AGBL4: variants seen among roughly 807,000 people sequenced by gnomAD.
AGBL4 encodes cytosolic carboxypeptidase 6.
Under a neutral mutation model 66.4 loss-of-function variants are expected in AGBL4, and 58 were observed. The ratio of observed to expected loss-of-function variants is 0.87; its 90% CI spans 0.71 to 1.09. The LOEUF (loss-of-function observed/expected upper bound fraction) is 1.09. Ranked by LOEUF, AGBL4 falls within the 50% of genes least tolerant of loss-of-function variation. The pLI, the probability that AGBL4 is intolerant of heterozygous loss-of-function variation, is 0.00. For synonymous variants in AGBL4, 234 were observed against 222.9 expected (o/e 1.05, Z -0.44); for missense variants, 579 against 631.0 (o/e 0.92, Z 0.88).
At position 48,931,954 on chromosome 1, in the gene AGBL4, T is replaced by C. The variant is rs948584646; in HGVS notation, c.595-64724A>G. Among the ~76,000 whole-genome samples, 4 of 152,254 alleles carry C rather than the reference T, an allele frequency of 2.6e-5. No homozygotes were observed. The East Asian group carries it at 7.7e-4, about 29-fold the overall frequency. On this transcript the variant is annotated intron_variant, in intron 5 of 13. Coordinates refer to ENST00000371839, the MANE Select transcript of AGBL4 (RefSeq NM_032785.4). Reference sequence around the variant, plus strand: ...GGTGCTCTTCTCCCTGCATGCAAAATCAGCCCATCCTTCCCAGGAAAGAGT... The same window carrying C: ...GGTGCTCTTCTCCCTGCATGCAAAACCAGCCCATCCTTCCCAGGAAAGAGT...
intron 1 of AGBL4, among the ~76,000 whole-genome samples, chr1:49,943,528 G>A (rs1455120698): frequency 2.0e-5 from 3 of 152,062 alleles, no homozygotes; most frequent in Non-Finnish European, 4.4e-5. Flanking sequence ...GGAACCTGAA[G>A]GTCTACACCA....
chr1:49,642,709 C>T (rs1429790810), intron 3 of AGBL4, among the ~76,000 whole-genome samples: 2 of 151,870 alleles, frequency 1.3e-5, no homozygotes, highest in Non-Finnish European at 2.9e-5. Context: ...GTTTGACAAA[C>T]TACTCAGATA....
intron 4 of AGBL4, among the ~76,000 whole-genome samples, chr1:49,162,995 CT>C (rs1309674670): frequency 6.6e-6 from 1 of 152,150 alleles, no homozygotes; most frequent in Non-Finnish European, 1.5e-5. Flanking sequence ...GGGTATTTTC[CT>C]CAGGAGGTGA....
intron 3 of AGBL4, among the ~76,000 whole-genome samples, chr1:49,378,799 G>C (rs1557884079): frequency 6.6e-6 from 1 of 152,092 alleles, no homozygotes; most frequent in Non-Finnish European, 1.5e-5. Context: ...TTGCCTGTTA[G>C]AAGTTTCCCT....
intron 6 of AGBL4, among the ~76,000 whole-genome samples, chr1:48,678,851 A>T (rs758301582): frequency 6.6e-6 from 1 of 152,190 alleles, no homozygotes; most frequent in African/African-American, 2.4e-5. Context: ...CAATTCTAGA[A>T]ATCATTAATA....
chr1:49,753,310 T>C (rs1379942053), intron 2 of AGBL4, among the ~76,000 whole-genome samples: 1 of 152,240 alleles, frequency 6.6e-6, no homozygotes, highest in East Asian at 1.9e-4. Context: ...AAGGATTTTA[T>C]TTCTCCTTTG....
intron 6 of AGBL4, among the ~76,000 whole-genome samples, chr1:48,691,935 C>T (rs1391049461): frequency 6.6e-6 from 1 of 152,196 alleles, no homozygotes; most frequent in Admixed American, 6.5e-5. Flanking sequence ...TTCTCTCACC[C>T]TCCTTGTGGC....
At chr1:49,159,898 G>A (rs1388013159) in intron 4 of AGBL4, among the ~76,000 whole-genome samples, 42 of 152,096 alleles carry the variant, frequency 2.8e-4, no homozygotes, top group African/African-American at 2.4e-5. Flanking sequence ...ATCATGCTGT[G>A]TTTTTCAGCT....
At chr1:49,776,145 T>C (rs1040023487) in intron 2 of AGBL4, among the ~76,000 whole-genome samples, 4 of 152,018 alleles carry the variant, frequency 2.6e-5, no homozygotes, top group African/African-American at 9.7e-5. Flanking sequence ...TGGTGGAAGC[T>C]TAGAAAAAAT....
intron 4 of AGBL4, among the ~76,000 whole-genome samples, chr1:49,112,197 A>G (rs907000711): frequency 6.6e-6 from 1 of 152,230 alleles, no homozygotes; most frequent in Non-Finnish European, 1.5e-5. Flanking sequence ...AGTAGCTAAT[A>G]GTTGTAATTG....
intron 6 of AGBL4, among the ~76,000 whole-genome samples, chr1:48,738,749 A>G (rs899375074): frequency 2.0e-5 from 3 of 152,138 alleles, no homozygotes; most frequent in African/African-American, 7.2e-5. Flanking sequence ...TTATTCTTGA[A>G]AGGGAGATGA....
intron 6 of AGBL4, among the ~76,000 whole-genome samples, chr1:48,772,252 A>G (rs1644872418): frequency 6.6e-6 from 1 of 152,230 alleles, no homozygotes. Context: ...GTGAAAAGAG[A>G]GTTCTGAGGA....
chr1:49,613,895 G>T (rs1415140629), intron 3 of AGBL4, among the ~76,000 whole-genome samples: 4 of 152,136 alleles, frequency 2.6e-5, no homozygotes, highest in Admixed American at 6.5e-5. Context: ...AAAGCTTGGG[G>T]ATTGCTGTCC....
intron 6 of AGBL4, among the ~76,000 whole-genome samples, chr1:48,804,260 C>A (rs768661212): frequency 1.4e-4 from 22 of 152,134 alleles, no homozygotes; most frequent in Non-Finnish European, 2.6e-4. Context: ...TGTGCAATAG[C>A]CAAAGCATTA....
At chr1:48,650,053 T>C (rs1325180720) in intron 8 of AGBL4, among the ~76,000 whole-genome samples, 5 of 152,198 alleles carry the variant, frequency 3.3e-5, no homozygotes, top group South Asian at 2.1e-4. Flanking sequence ...CCTTCCCTTC[T>C]CACACTGCAG....
In AGBL4 at chr1:49,198,649, C is replaced by G. The variant is rs12098030; in HGVS notation, c.377+47121G>C. ...AGCACACCCGGCCAACGGTGTGAAT[C>G]TTTACAAGCTATTTTGTTTCTTCCA... On this transcript the variant is annotated intron_variant, in intron 4 of 13. Transcript: ENST00000371839. Among the ~76,000 whole-genome samples the G allele has an allele frequency of 2.0e-3, 300 of 152,204 alleles. 4 individuals are homozygous for G. Among genetic ancestry groups the G allele is most frequent in the African/African-American group, 6.8e-3 (281 of 41,540 alleles).
Position 49,479,850 on chromosome 1 carries a change from G to T in AGBL4, c.282+217463C>A, listed in dbSNP as rs12084720. Among the ~76,000 whole-genome samples, 200 of 151,716 alleles carry T rather than the reference G, an allele frequency of 1.3e-3. 1 individual carries two copies. Among genetic ancestry groups the T allele is most frequent in the African/African-American group, 4.6e-3 (190 of 41,430 alleles). The stretch of plus-strand genomic sequence containing the variant: ...CCAAGTGGGAGTGGCTGGGACTACA[G>T]GCGCCCGCCACCACGCCCGGCTAAT... On this transcript the variant is annotated intron_variant, in intron 3 of 13. Coordinates refer to ENST00000371839, the MANE Select transcript of AGBL4 (RefSeq NM_032785.4).
chr1:49,435,397 T>C (rs1338386476), intron 3 of AGBL4, among the ~76,000 whole-genome samples: 1 of 152,214 alleles, frequency 6.6e-6, no homozygotes, highest in African/African-American at 2.4e-5. Context: ...TTTTTTTCCA[T>C]GGATGTATTC....
intron 2 of AGBL4, among the ~76,000 whole-genome samples, chr1:49,849,265 C>T (rs886838849): frequency 6.6e-5 from 10 of 151,952 alleles, no homozygotes; most frequent in African/African-American, 2.2e-4. Flanking sequence ...TTTGGAAACA[C>T]GGGATTGTGA....
Sources: allele counts gnomAD v4.1 joint callset (sites outside exome capture counted in the v4.1 genomes callset), GRCh38; gene constraint gnomAD v4.1.1; transcripts MANE v1.5; gene names NCBI Gene and HGNC (gene_info 2026-07-23, HGNC 2026-07-21).